The following SSBP2 variants were observed in gnomAD, a reference collection of about 807,000 sequenced individuals.
SSBP2 encodes single stranded DNA binding protein 2.
Under a neutral mutation model 61.8 loss-of-function variants are expected in SSBP2, and 17 were observed. The ratio of observed to expected loss-of-function variants is 0.28; its 90% confidence interval spans 0.19 to 0.41. The LOEUF is 0.41. Ranked by LOEUF, SSBP2 falls within the 10% of genes least tolerant of loss-of-function variation. SSBP2 has a pLI of 1.00. For missense variants in SSBP2, 310 were observed against 458.7 expected (o/e 0.68, Z 2.96); for synonymous variants, 139 against 141.3 (o/e 0.98, Z 0.12).
chr5:81,492,341 A>G (rs1001143002), intron 5 of SSBP2, among the ~76,000 whole-genome samples: 3 of 152,020 alleles, frequency 2.0e-5, no homozygotes, highest in African/African-American at 7.2e-5. Context: ...CATCTCTACT[A>G]AAAATACAAA....
At chr5:81,549,971 C>T (rs1772046248) in intron 4 of SSBP2, among the ~76,000 whole-genome samples, 2 of 152,102 alleles carry the variant, frequency 1.3e-5, no homozygotes, top group African/African-American at 4.8e-5. Context: ...TAATAGCAGT[C>T]TTCTTTTGAG....
intron 8 of SSBP2, among the ~76,000 whole-genome samples, chr5:81,473,341 TA>T (rs1241919060): frequency 6.6e-6 from 1 of 152,196 alleles, no homozygotes; most frequent in African/African-American, 2.4e-5. Context: ...CGGCACCTAT[TA>T]ACCTGTCATC....
chr5:81,595,395 C>T (rs184224755), intron 4 of SSBP2, among the ~76,000 whole-genome samples: 14 of 152,222 alleles, frequency 9.2e-5, no homozygotes, highest in African/African-American at 2.6e-4. Flanking sequence ...GATTCACAGC[C>T]GAGTTCTACC....
chr5:81,500,762 A>T (rs1767646520), intron 5 of SSBP2, among the ~76,000 whole-genome samples: 1 of 152,012 alleles, frequency 6.6e-6, no homozygotes. Flanking sequence ...CCCAGCCCAG[A>T]TTTTCATATT....
intron 1 of SSBP2, among the ~76,000 whole-genome samples, chr5:81,683,540 C>T (rs1752556399): frequency 1.3e-5 from 2 of 152,084 alleles, no homozygotes; most frequent in Admixed American, 1.3e-4. Context: ...TAGAAGATAA[C>T]ATAGGAGAAA....
chr5:81,743,605 A>G (rs1757171839), intron 1 of SSBP2, among the ~76,000 whole-genome samples: 1 of 152,194 alleles, frequency 6.6e-6, no homozygotes, highest in African/African-American at 2.4e-5. Context: ...AGTTTTGTTT[A>G]GGTAGTTCAC....
intron 4 of SSBP2, among the ~76,000 whole-genome samples, chr5:81,564,804 CT>C (rs1332438315): frequency 6.6e-6 from 1 of 152,188 alleles, no homozygotes; most frequent in Non-Finnish European, 1.5e-5. Flanking sequence ...TTCAAAAGCT[CT>C]CTCCTAGTTT....
At chr5:81,664,739 T>C (rs192540150) in intron 1 of SSBP2, among the ~76,000 whole-genome samples, 26 of 152,242 alleles carry the variant, frequency 1.7e-4, no homozygotes, top group Middle Eastern at 6.8e-3. Context: ...AAGAAATAAA[T>C]TGGCTTGTTT....
At chr5:81,681,982 G>T (rs981212315) in intron 1 of SSBP2, among the ~76,000 whole-genome samples, 3 of 152,138 alleles carry the variant, frequency 2.0e-5, no homozygotes, top group African/African-American at 7.2e-5. Context: ...CCAGTTCCTT[G>T]AAAGTCATAA....
intron 1 of SSBP2, among the ~76,000 whole-genome samples, chr5:81,694,229 T>C (rs556779168): frequency 1.3e-5 from 2 of 152,252 alleles, no homozygotes; most frequent in South Asian, 2.1e-4. Flanking sequence ...ACAAAAATAG[T>C]CAGAATGAAT....
At chr5:81,555,826 A>G (rs1236917409) in intron 4 of SSBP2, among the ~76,000 whole-genome samples, 5 of 152,102 alleles carry the variant, frequency 3.3e-5, no homozygotes, top group Non-Finnish European at 7.4e-5. Context: ...TAGTTCTCTG[A>G]GTCTCCACAT....
intron 1 of SSBP2, among the ~76,000 whole-genome samples, chr5:81,726,086 C>G (rs567292257): frequency 6.6e-6 from 1 of 152,046 alleles, no homozygotes; most frequent in African/African-American, 2.4e-5. Flanking sequence ...TTAGTACGAA[C>G]ATCTATGTAG....
intron 1 of SSBP2, among the ~76,000 whole-genome samples, chr5:81,693,271 G>A (rs184234658): frequency 3.3e-5 from 5 of 150,592 alleles, no homozygotes; most frequent in East Asian, 1.9e-4. Flanking sequence ...CTGGGCAAAG[G>A]TTTATTGAGG....
intron 4 of SSBP2, among the ~76,000 whole-genome samples, chr5:81,586,101 A>T (rs1302421822): frequency 6.6e-6 from 1 of 152,236 alleles, no homozygotes; most frequent in East Asian, 1.9e-4. Flanking sequence ...TGCTGCAATG[A>T]ACATGGGAAT....
At chr5:81,743,143 G>A (rs1032016188) in intron 1 of SSBP2, among the ~76,000 whole-genome samples, 11 of 152,096 alleles carry the variant, frequency 7.2e-5, no homozygotes, top group Admixed American at 4.6e-4. Context: ...TATTATCTAG[G>A]AAGATCAGAT....
intron 10 of SSBP2, 69 bp downstream of exon 10, chr5:81,460,986 A>T: frequency 1.0e-6 from 1 of 1,001,000 alleles, no homozygotes; most frequent in Non-Finnish European, 1.3e-6. Flanking sequence ...CAAAAGCAAA[A>T]TGTTTTTGTG....
intron 4 of SSBP2, among the ~76,000 whole-genome samples, chr5:81,542,900 G>A (rs1771411096): frequency 6.8e-6 from 1 of 147,322 alleles, no homozygotes; most frequent in Non-Finnish European, 1.5e-5. Context: ...TGTCGGCCAG[G>A]CTGGAGTGCA....
chr5:81,526,943 A>C (rs1208490200), intron 4 of SSBP2, among the ~76,000 whole-genome samples: 1 of 152,040 alleles, frequency 6.6e-6, no homozygotes, highest in Non-Finnish European at 1.5e-5. Context: ...GGGAGGCCAA[A>C]AAACCAAACA....
rs188021485 is a variant in SSBP2 at position 81,427,017 on chromosome 5, T to G, written c.1056+1568A>C. Among the ~76,000 whole-genome samples, 28 of 152,370 alleles carry G rather than the reference T, an allele frequency of 1.8e-4. No homozygotes were observed. In the East Asian group the frequency reaches 4.6e-3, roughly 25 times the overall value. On this transcript the variant is annotated intron_variant, in intron 16 of 16. Coordinates refer to ENST00000320672, the MANE Select transcript of SSBP2 (RefSeq NM_012446.5). ...GCACTCTTTGAAAGTAGGTGTTATA[T>G]TTATTTCAGAATACCTTGGTCTTAA...
Sources: allele counts gnomAD v4.1 joint callset (sites outside exome capture counted in the v4.1 genomes callset), GRCh38; gene constraint gnomAD v4.1.1; transcripts MANE v1.5; gene names NCBI Gene and HGNC (gene_info 2026-07-23, HGNC 2026-07-21).